Variants in CORO2B observed in about 807,000 individuals in gnomAD.
CORO2B encodes the protein coronin-2B.
In CORO2B, 26 loss-of-function variants were observed where a neutral mutation model predicts 58.8. The observed-to-expected ratio is 0.44, with a 90% CI of 0.32 to 0.61. The LOEUF (loss-of-function observed/expected upper bound fraction) is 0.61, where lower values mean the gene tolerates loss of function less well. Among genes scored for constraint, CORO2B ranks in the 20% least tolerant of loss-of-function variants. The pLI is 0.04. For missense variants in CORO2B, 460 were observed against 645.1 expected, an observed-to-expected ratio of 0.71 and a Z score of 3.11; for synonymous variants, 242 against 253.8, an observed-to-expected ratio of 0.95 and a Z score of 0.44.
chr15:68,577,582 G>A (rs1899311430), upstream of CORO2B, among the ~76,000 whole-genome samples: 1 of 151,996 alleles, frequency 6.6e-6, no homozygotes, highest in Non-Finnish European at 1.5e-5. Flanking sequence ...TTAGCCGGGC[G>A]TGGTAGCGCG....
At chr15:68,642,788 G>A (rs1438296698) in intron 1 of CORO2B, among the ~76,000 whole-genome samples, 1 of 152,192 alleles carries the variant, frequency 6.6e-6, no homozygotes, top group Non-Finnish European at 1.5e-5. Flanking sequence ...TGTGGACTAT[G>A]TAGATCAGAG....
chr15:68,579,459 CA>C (rs1899366926), intron 1 of CORO2B, among the ~76,000 whole-genome samples, 182 bp downstream of exon 1: 1 of 152,048 alleles, frequency 6.6e-6, no homozygotes, highest in Admixed American at 6.5e-5. Context: ...CTGCGGAGGC[CA>C]GGGGGAGGAT....
chr15:68,713,261 A>G (rs995158684), intron 5 of CORO2B, among the ~76,000 whole-genome samples: 2 of 152,090 alleles, frequency 1.3e-5, no homozygotes, highest in African/African-American at 4.8e-5. Flanking sequence ...TCCGATAGAT[A>G]TTGTTATGGG....
the CORO2B span, among the ~76,000 whole-genome samples, chr15:68,550,226 A>T: frequency 1.3e-5 from 2 of 152,080 alleles, no homozygotes; most frequent in African/African-American, 2.4e-5. Context: ...GAAAATACAG[A>T]GTGGGTCAGA....
At chr15:68,545,612 CGG>C in the CORO2B span, among the ~76,000 whole-genome samples, 2 of 53,268 alleles carry the variant, frequency 3.8e-5, no homozygotes, top group African/African-American at 6.9e-5. Flanking sequence ...ATGCGGGGGG[CGG>C]GGGGGGTAAT....
intron 6 of CORO2B, 148 bp from the exon 7 acceptor site, chr15:68,714,411 T>A: frequency 1.5e-6 from 1 of 664,894 alleles, no homozygotes; most frequent in Non-Finnish European, 2.7e-6. Flanking sequence ...AGAAAGTCAG[T>A]CTTGCCACCA....
At chr15:68,722,198 G>T (rs1415211393) in intron 11 of CORO2B, among the ~76,000 whole-genome samples, 1 of 152,170 alleles carries the variant, frequency 6.6e-6, no homozygotes, top group East Asian at 1.9e-4. Context: ...GTTAAATCAA[G>T]CAATATTTCG....
chr15:68,653,473 G>A (rs1901706075), intron 2 of CORO2B, among the ~76,000 whole-genome samples: 1 of 152,180 alleles, frequency 6.6e-6, no homozygotes, highest in African/African-American at 2.4e-5. Context: ...TCTACTCTGA[G>A]ATGGGGTCTC....
the CORO2B span, among the ~76,000 whole-genome samples, chr15:68,536,848 A>G: frequency 0.95 from 144,274 of 152,322 alleles, 68,423 homozygotes; most frequent in East Asian, 1. Flanking sequence ...TGGAGGGGCT[A>G]TGCCCTTCAT....
At chr15:68,616,908 T>G (rs77008273) in intron 1 of CORO2B, among the ~76,000 whole-genome samples, 1,668 of 152,274 alleles carry the variant, frequency 0.011, 17 homozygotes, top group Non-Finnish European at 0.016. Context: ...AAGACATGCC[T>G]GAGGATAAAA....
At chr15:68,670,782 G>A (rs926635619) in intron 2 of CORO2B, among the ~76,000 whole-genome samples, 2 of 152,144 alleles carry the variant, frequency 1.3e-5, no homozygotes, top group Admixed American at 6.6e-5. Flanking sequence ...CTGAAAATAA[G>A]CAGATAAAAA....
At position 68,726,083 on chromosome 15, in the gene CORO2B, C is replaced by A; in HGVS notation, c.*109C>A. The A allele has an allele frequency of 7.0e-7, 1 of 1,430,162 alleles. No homozygotes were observed. The highest frequency in any genetic ancestry group is 9.5e-7 in the Non-Finnish European group (1 of 1,057,124). 88.6% of individuals were successfully genotyped at this position (1,430,162 alleles called of 1,614,324 possible). On this transcript the variant is annotated 3_prime_UTR_variant, in exon 12 of 12. Coordinates refer to ENST00000261861, the MANE Select transcript of CORO2B (RefSeq NM_006091.5). ...GACAGAGCCAGGACAGGAGTGGGGG[C>A]CAGCCTGAGGACCCCCGCCTACCAC...
At chr15:68,714,722 A>C (rs1596035503) in intron 7 of CORO2B, 59 bp downstream of exon 7, 1 of 1,268,166 alleles carries the variant, frequency 7.9e-7, no homozygotes, top group Admixed American at 1.7e-5. Flanking sequence ...CCCTCAATGC[A>C]CCCCTGCACC....
upstream of CORO2B, among the ~76,000 whole-genome samples, chr15:68,578,490 T>C (rs548629020): frequency 2.0e-5 from 3 of 152,216 alleles, no homozygotes; most frequent in Non-Finnish European, 4.4e-5. This position sits in a 1 kb window ranked among gnomAD's most constrained non-coding sequence, Gnocchi z 4.2. Flanking sequence ...CTGGCCACCC[T>C]GTGCCCCGGG....
chr15:68,719,494 G>C lies in CORO2B; in HGVS notation c.1253G>C (p.Ser418Thr). 1 of 1,614,108 alleles carries C rather than the reference G, an allele frequency of 6.2e-7. No homozygotes were observed. Among genetic ancestry groups the C allele is most frequent in the Non-Finnish European group, 8.5e-7 (1 of 1,179,956 alleles). The change falls in exon 11 of 12, where the codon AGT becomes ACT. Residue 418 changes from serine to threonine, a missense_variant. Physicochemically the swap from Ser to Thr is moderately conservative, Grantham distance 58. Coordinates refer to ENST00000261861, the MANE Select transcript of CORO2B (RefSeq NM_006091.5). ...VFKAPIKEKK[S>T]VVVNGIDLLE... ...AAGGCTCCCATCAAAGAAAAGAAGAGTGTTGTGGTCAACGGAATAGATTTA... is the reference window on the plus strand; with the variant it reads ...AAGGCTCCCATCAAAGAAAAGAAGACTGTTGTGGTCAACGGAATAGATTTA...
At chr15:68,687,152 A>G (rs1903009486) in intron 2 of CORO2B, among the ~76,000 whole-genome samples, 1 of 152,166 alleles carries the variant, frequency 6.6e-6, no homozygotes, top group African/African-American at 2.4e-5. Context: ...GCCATGAAAA[A>G]GCAGCAAGGG....
intron 2 of CORO2B, among the ~76,000 whole-genome samples, chr15:68,651,368 G>A (rs964754036): frequency 2.6e-5 from 4 of 152,218 alleles, no homozygotes; most frequent in African/African-American, 9.6e-5. Flanking sequence ...GGAACCCTTC[G>A]TTGATCTGGC....
At chr15:68,593,176 T>C (rs1306237635) in intron 1 of CORO2B, among the ~76,000 whole-genome samples, 1 of 152,178 alleles carries the variant, frequency 6.6e-6, no homozygotes. Context: ...CTTAATCCCC[T>C]CTTAAAGGCC....
At chr15:68,674,802 C>G (rs1902522247) in intron 2 of CORO2B, among the ~76,000 whole-genome samples, 1 of 152,200 alleles carries the variant, frequency 6.6e-6, no homozygotes, top group Non-Finnish European at 1.5e-5. Context: ...CACCAGTGCC[C>G]TCATGCTCTT....
Sources: allele counts gnomAD v4.1 joint callset (sites outside exome capture counted in the v4.1 genomes callset), GRCh38; gene constraint gnomAD v4.1.1; non-coding constraint Gnocchi (gnomAD v3.1); transcripts MANE v1.5; gene names NCBI Gene and HGNC (gene_info 2026-07-23, HGNC 2026-07-21).